Variants in CSMD2 observed in about 807,000 individuals in gnomAD.
The protein encoded by CSMD2 is CUB and Sushi multiple domains 2.
In CSMD2, 130 loss-of-function variants were observed where a neutral mutation model predicts 398.5. The observed-to-expected ratio is 0.33, with a 90% CI of 0.28 to 0.38. The LOEUF (loss-of-function observed/expected upper bound fraction) is 0.38, where lower values mean the gene tolerates loss of function less well. Among genes scored for constraint, CSMD2 ranks in the 10% least tolerant of loss-of-function variants. The pLI is 1.00. For synonymous variants in CSMD2, 1,828 were observed against 1,908.5 expected (o/e 0.96, Z 1.10); for missense variants, 3,829 against 4,764.9 (o/e 0.80, Z 5.78).
intron 3 of CSMD2, among the ~76,000 whole-genome samples, chr1:33,986,163 T>C (rs1646352339): frequency 6.6e-6 from 1 of 152,172 alleles, no homozygotes. Context: ...CCTCTTTACA[T>C]ATTTATGCCC....
intron 1 of CSMD2, among the ~76,000 whole-genome samples, chr1:34,160,228 CCA>C (rs1641204270): frequency 6.6e-6 from 1 of 152,206 alleles, no homozygotes; most frequent in Non-Finnish European, 1.5e-5. Flanking sequence ...TTCAACAAAG[CCA>C]CACACTCACC....
At chr1:33,742,399 C>G (rs1647098556) in intron 14 of CSMD2, among the ~76,000 whole-genome samples, 1 of 152,188 alleles carries the variant, frequency 6.6e-6, no homozygotes, top group African/African-American at 2.4e-5. Context: ...GCACTGGGGA[C>G]TCGCCCTTCA....
At chr1:33,669,201 CTTCT>C (rs1480465477) in intron 25 of CSMD2, among the ~76,000 whole-genome samples, 1 of 152,158 alleles carries the variant, frequency 6.6e-6, no homozygotes, top group Non-Finnish European at 1.5e-5. Flanking sequence ...TTTACACCAT[CTTCT>C]TTTTCTTTTA....
chr1:34,055,254 A>G (rs1653695645), intron 2 of CSMD2, among the ~76,000 whole-genome samples: 1 of 152,216 alleles, frequency 6.6e-6, no homozygotes, highest in African/African-American at 2.4e-5. Flanking sequence ...ATCAACACAG[A>G]ATACTTCTGT....
intron 1 of CSMD2, among the ~76,000 whole-genome samples, chr1:34,127,175 C>T (rs902627672): frequency 2.0e-5 from 3 of 152,056 alleles, no homozygotes; most frequent in Admixed American, 6.6e-5. Context: ...ACAAAGGCTC[C>T]GTCAGCGGCA....
At chr1:33,950,729 A>C (rs1482683866) in intron 3 of CSMD2, among the ~76,000 whole-genome samples, 1 of 152,144 alleles carries the variant, frequency 6.6e-6, no homozygotes, top group Admixed American at 6.5e-5. Context: ...CCCCAGGTGA[A>C]AAAGAGGGAG....
intron 25 of CSMD2, among the ~76,000 whole-genome samples, chr1:33,678,129 AAG>A (rs1644781246): frequency 1.3e-5 from 2 of 151,746 alleles, no homozygotes; most frequent in Admixed American, 1.3e-4. Flanking sequence ...TTAAAAAAAA[AAG>A]AGCGTGGCTC....
chr1:33,622,296 C>A, intron 36 of CSMD2, 25 bp from the exon 37 acceptor site: 3 of 1,585,222 alleles, frequency 1.9e-6, no homozygotes, highest in Non-Finnish European at 2.6e-6. Context: ...CCAGGGAAAA[C>A]CATTTAAGTT....
At chr1:33,583,206 T>A (rs908612782) in intron 47 of CSMD2, among the ~76,000 whole-genome samples, 1 of 152,208 alleles carries the variant, frequency 6.6e-6, no homozygotes, top group Non-Finnish European at 1.5e-5. Flanking sequence ...TGCTATGAAT[T>A]TTTAGGGTCC....
intron 60 of CSMD2, among the ~76,000 whole-genome samples, chr1:33,540,030 C>T (rs17476969): frequency 0.054 from 8,261 of 152,098 alleles, 329 homozygotes; most frequent in Non-Finnish European, 0.087. Context: ...AATAAGTGAC[C>T]CAGAACCTGC....
chr1:33,573,621 GA>G (rs996295739), intron 49 of CSMD2, among the ~76,000 whole-genome samples: 2 of 151,292 alleles, frequency 1.3e-5, no homozygotes. Flanking sequence ...TCAGAATATA[GA>G]AAAAAAAGAG....
intron 1 of CSMD2, among the ~76,000 whole-genome samples, chr1:34,140,302 A>AAAC (rs1553330777): frequency 2.1e-5 from 2 of 96,374 alleles, no homozygotes; most frequent in Admixed American, 1.1e-4. Context: ...GCAAAAAAAC[A>AAAC]AACAAACAAA....
intron 1 of CSMD2, among the ~76,000 whole-genome samples, chr1:34,116,633 T>C (rs1347256522): frequency 6.6e-6 from 1 of 152,198 alleles, no homozygotes; most frequent in East Asian, 1.9e-4. Flanking sequence ...AACAAGACTA[T>C]AGACCAATTG....
In CSMD2 at chr1:34,089,000, G is replaced by A. The variant is rs1658238387; in HGVS notation, c.381C>T (p.Pro127=). 1 of 1,613,688 alleles carries A rather than the reference G, an allele frequency of 6.2e-7. No individual in the cohort carries two copies. The highest frequency in any genetic ancestry group is 8.5e-7 in the Non-Finnish European group (1 of 1,179,994). ...ACCTCGTACGCAGATTCTCTGGCTGGGGTGGACCATCAAACACCGACAGGA... is the reference window on the plus strand; with the variant it reads ...ACCTCGTACGCAGATTCTCTGGCTGAGGTGGACCATCAAACACCGACAGGA... The part of the protein sequence containing the change: ...FDVLSVFDGP[P]QPENLRTRLT... The change falls in exon 2 of 71, where the codon CCC becomes CCT. Residue 127 remains proline (P), a synonymous_variant. Coordinates refer to ENST00000373381, the MANE Select transcript of CSMD2 (RefSeq NM_001281956.2).
chr1:33,945,407 G>A (rs891418293), intron 3 of CSMD2, among the ~76,000 whole-genome samples: 9 of 152,174 alleles, frequency 5.9e-5, no homozygotes, highest in African/African-American at 1.2e-4. Context: ...TCTCTTCTGC[G>A]TCAAAGACTT....
At chr1:33,822,104 C>A (rs938895242) in intron 7 of CSMD2, among the ~76,000 whole-genome samples, 2 of 152,032 alleles carry the variant, frequency 1.3e-5, no homozygotes, top group African/African-American at 4.8e-5. Flanking sequence ...CGTGGTGAGA[C>A]CCGCTGGCTC....
chr1:33,570,968 C>T (rs1180109506), intron 51 of CSMD2, among the ~76,000 whole-genome samples: 2 of 152,150 alleles, frequency 1.3e-5, no homozygotes, highest in Admixed American at 1.3e-4. Flanking sequence ...TCAAGAGCAC[C>T]CCCTAATAAG....
intron 2 of CSMD2, among the ~76,000 whole-genome samples, chr1:34,044,636 C>G (rs1480309340): frequency 6.6e-6 from 1 of 152,204 alleles, no homozygotes; most frequent in South Asian, 2.1e-4. Context: ...GCCCCGAGAT[C>G]TGGAGAACCA....
chr1:34,045,084 C>T (rs1652358283), intron 2 of CSMD2, among the ~76,000 whole-genome samples: 1 of 151,400 alleles, frequency 6.6e-6, no homozygotes, highest in South Asian at 2.1e-4. Flanking sequence ...CACACCCCTA[C>T]AAACACAGGT....
Sources: gnomAD v4.1 joint callset for allele counts (sites outside exome capture counted in the v4.1 genomes callset) on GRCh38, gnomAD v4.1.1 for gene constraint, MANE v1.5 for transcripts, NCBI Gene and HGNC (gene_info 2026-07-23, HGNC 2026-07-21) for gene names.